Variants in DNAAF5 observed in about 807,000 individuals in gnomAD.
DNAAF5 encodes the protein HEAT repeat containing 2.
In DNAAF5, 64 loss-of-function variants were observed where a neutral mutation model predicts 75.8. The ratio of observed to expected loss-of-function variants is 0.84; its 90% CI spans 0.69 to 1.04. The LOEUF (loss-of-function observed/expected upper bound fraction) is 1.04. Ranked by LOEUF, DNAAF5 falls within the 50% of genes least tolerant of loss-of-function variation. The pLI is 0.00. For missense variants in DNAAF5, 1,269 were observed against 1,178.5 expected (o/e 1.08, Z -1.12); for synonymous variants, 657 against 557.2 (o/e 1.18, Z -2.52).
At chr7:785,224 G>C (rs116531096) in intron 12 of DNAAF5, among the ~76,000 whole-genome samples, 2 of 148,216 alleles carry the variant, frequency 1.3e-5, no homozygotes, top group Non-Finnish European at 3.0e-5. Flanking sequence ...TGACTACTGG[G>C]TCCCCATCCA....
chr7:784,163 G>C (rs1400365238), intron 12 of DNAAF5, among the ~76,000 whole-genome samples: 1 of 152,150 alleles, frequency 6.6e-6, no homozygotes, highest in Non-Finnish European at 1.5e-5. Flanking sequence ...GCAGCGCCAG[G>C]CACAGCTGGC....
chr7:732,478 C>T (rs1016368756), intron 2 of DNAAF5: 20 of 451,204 alleles, frequency 4.4e-5, no homozygotes, highest in Middle Eastern at 3.3e-4. Context: ...TTTTCCTGCT[C>T]GATGTGTGCT....
Position 740,361 on chromosome 7 carries a change from G to A in DNAAF5, c.781-458G>A, listed in dbSNP as rs1293878177. Among the ~76,000 whole-genome samples, 4 of 152,314 alleles carry A rather than the reference G, an allele frequency of 2.6e-5. No individual in the cohort carries two copies. In the East Asian group the frequency reaches 7.7e-4, roughly 29 times the overall value. On this transcript the variant is annotated intron_variant, in intron 2 of 12. Coordinates refer to ENST00000297440, the MANE Select transcript of DNAAF5 (RefSeq NM_017802.4). Reference sequence around the variant, plus strand: ...GAGTCCCTGGGCTCTGGGACCAGACGCCTTTGAGGTATGGCCACGGTGCAC... The same window carrying A: ...GAGTCCCTGGGCTCTGGGACCAGACACCTTTGAGGTATGGCCACGGTGCAC...
chr7:748,872 G>A (rs1782203523), intron 4 of DNAAF5, among the ~76,000 whole-genome samples: 1 of 152,234 alleles, frequency 6.6e-6, no homozygotes, highest in Non-Finnish European at 1.5e-5. Flanking sequence ...AACAGGCAAA[G>A]TTCGGTAATA....
chr7:773,489 C>T (rs560638668), intron 9 of DNAAF5, among the ~76,000 whole-genome samples: 6 of 152,160 alleles, frequency 3.9e-5, no homozygotes, highest in African/African-American at 4.8e-5. Flanking sequence ...ACGAAGTCGC[C>T]GACAGGGTGG....
At chr7:734,337 G>A (rs1781669130) in intron 2 of DNAAF5, among the ~76,000 whole-genome samples, 2 of 152,146 alleles carry the variant, frequency 1.3e-5, no homozygotes, top group South Asian at 2.1e-4. Flanking sequence ...ATACTTTTCA[G>A]CATCACTTGA....
intron 11 of DNAAF5, among the ~76,000 whole-genome samples, chr7:779,246 G>A (rs1778858518): frequency 6.6e-6 from 1 of 152,146 alleles, no homozygotes; most frequent in African/African-American, 2.4e-5. Flanking sequence ...GGCGCGGGCA[G>A]CCGCCCCTCC....
In DNAAF5 at chr7:726,959, G is replaced by A; in HGVS notation, c.239G>A (p.Arg80His). ...CCCTGGGCGCGCCTACTGCTGCCGC[G>A]CTTGCTGCGCTGCCTGAGCGACCCC... Reference protein sequence around the residue: ...QGPWARLLLPRLLRCLSDPAE... With the variant: ...QGPWARLLLPHLLRCLSDPAE... The change falls in exon 1 of 13, where the codon CGC becomes CAC. Residue 80 changes from arginine to histidine, a missense_variant. By Grantham distance (29) the Arg-to-His change is conservative (BLOSUM62 0). Transcript: ENST00000297440. 7.6e-7 allele frequency: 1 copy of A among 1,323,022 alleles called. No homozygotes were observed. The highest frequency in any genetic ancestry group is 9.7e-7 in the Non-Finnish European group (1 of 1,031,834). The allele number at this position is 1,323,022 out of a possible 1,614,324, so 82.0% of individuals were successfully genotyped here. A position where few individuals can be genotyped will look rare whatever the true frequency, so the allele number is the denominator to read the frequency against.
intron 8 of DNAAF5, among the ~76,000 whole-genome samples, chr7:767,238 C>CA (rs936022330): frequency 0.051 from 3,367 of 66,160 alleles, 99 homozygotes; most frequent in East Asian, 0.21. Context: ...GACTCGGTCT[C>CA]AAAAAAAAAA....
chr7:760,788 G>A (rs1235639092), intron 6 of DNAAF5, among the ~76,000 whole-genome samples: 1 of 152,234 alleles, frequency 6.6e-6, no homozygotes, highest in Non-Finnish European at 1.5e-5. Context: ...GAGCCGGGAG[G>A]GGAAGCCATT....
intron 6 of DNAAF5, among the ~76,000 whole-genome samples, chr7:760,125 G>A (rs1035853896): frequency 6.6e-6 from 1 of 151,616 alleles, no homozygotes; most frequent in South Asian, 2.1e-4. Context: ...CTCCAGCTCC[G>A]AGGGAGATGG....
intron 8 of DNAAF5, chr7:769,281 G>C (rs930336036): frequency 4.3e-6 from 3 of 705,366 alleles, no homozygotes; most frequent in Non-Finnish European, 7.9e-6. Flanking sequence ...CTCCTTCTGC[G>C]GCCCCAACCC....
At chr7:772,621 C>T (rs1018384550) in intron 9 of DNAAF5, 62 of 152,364 alleles carry the variant, frequency 4.1e-4, no homozygotes, top group African/African-American at 1.5e-3. Context: ...GTCTTCGGGT[C>T]CTGTGGGTCT....
chr7:778,571 G>A (rs1020025746), intron 11 of DNAAF5: 7 of 152,298 alleles, frequency 4.6e-5, no homozygotes, highest in African/African-American at 1.4e-4. Context: ...AGTGACCATC[G>A]TAAAAACACA....
intron 8 of DNAAF5, among the ~76,000 whole-genome samples, chr7:765,918 T>C (rs950831581): frequency 6.6e-6 from 1 of 152,208 alleles, no homozygotes; most frequent in Non-Finnish European, 1.5e-5. Context: ...AGTCTTGAAC[T>C]CCTGGGCTCA....
intron 6 of DNAAF5, among the ~76,000 whole-genome samples, chr7:761,391 T>C (rs1782638920): frequency 1.3e-5 from 2 of 152,228 alleles, no homozygotes; most frequent in African/African-American, 4.8e-5. Flanking sequence ...ATGTCGCTAA[T>C]AAAGATCTAC....
intron 4 of DNAAF5, among the ~76,000 whole-genome samples, chr7:752,856 G>A (rs1480270328): frequency 6.6e-6 from 1 of 152,238 alleles, no homozygotes; most frequent in East Asian, 1.9e-4. Flanking sequence ...AAGAGCTCTT[G>A]AAACTCAGCA....
In DNAAF5 at chr7:761,858, A is replaced by G. The variant is rs778680655; in HGVS notation, c.1576A>G (p.Ile526Val). The change falls in exon 7 of 13, where the codon ATA becomes GTA. Residue 526 changes from isoleucine to valine, a missense_variant. By Grantham distance (29) the Ile-to-Val change is conservative (BLOSUM62 3). Coordinates refer to ENST00000297440, the MANE Select transcript of DNAAF5 (RefSeq NM_017802.4). ...SLQLLDVLLT[I>V]VALAGATGLR... Reference sequence around the variant, plus strand: ...GCAGCTCTTGGACGTGCTGCTGACAATAGTGGCCCTCGCAGGTGCTACCGG... The same window carrying G: ...GCAGCTCTTGGACGTGCTGCTGACAGTAGTGGCCCTCGCAGGTGCTACCGG... The G allele has an allele frequency of 8.2e-6, 13 of 1,592,240 alleles. No individual in the cohort carries two copies. The highest frequency in any genetic ancestry group is 2.7e-5 in the African/African-American group (2 of 74,350).
chr7:770,655 G>A (rs1385543035), intron 9 of DNAAF5, 37 bp downstream of exon 9: 6 of 1,600,172 alleles, frequency 3.7e-6, no homozygotes, highest in Non-Finnish European at 5.1e-6. Context: ...GCCCCCAGCT[G>A]GGGCCTGGGC....
Sources: allele counts gnomAD v4.1 joint callset (sites outside exome capture counted in the v4.1 genomes callset), GRCh38; gene constraint gnomAD v4.1.1; transcripts MANE v1.5; gene names NCBI Gene and HGNC (gene_info 2026-07-23, HGNC 2026-07-21).